OPCML: variants seen among roughly 807,000 people sequenced by gnomAD.
OPCML encodes opioid binding protein/cell adhesion molecule like.
Under a neutral mutation model 37.8 loss-of-function variants are expected in OPCML, and 13 were observed. The ratio of observed to expected loss-of-function variants is 0.34; its 90% confidence interval spans 0.22 to 0.55. The LOEUF (loss-of-function observed/expected upper bound fraction) is 0.55. OPCML is among the 20% of genes least tolerant of loss of function. The probability of loss-of-function intolerance (pLI) is 0.91; values close to 1 mark genes in which losing one functional copy is unlikely to be tolerated. For missense variants in OPCML, 341 were observed against 435.6 expected (o/e 0.78, Z 1.93); for synonymous variants, 176 against 168.8 (o/e 1.04, Z -0.33).
intron 4 of OPCML, among the ~76,000 whole-genome samples, chr11:132,466,767 G>C (rs933940095): frequency 9.9e-5 from 15 of 152,128 alleles, no homozygotes; most frequent in African/African-American, 3.1e-4. Context: ...TTCGGGGCTG[G>C]AGCCTCGGGT....
intron 4 of OPCML, among the ~76,000 whole-genome samples, chr11:132,438,438 G>A (rs946700500): frequency 2.6e-5 from 4 of 152,240 alleles, no homozygotes; most frequent in Admixed American, 6.5e-5. Flanking sequence ...AATCCAATGG[G>A]TTTGGGTCCA....
chr11:132,685,519 A>T (rs1322798096), intron 2 of OPCML, among the ~76,000 whole-genome samples: 1 of 152,210 alleles, frequency 6.6e-6, no homozygotes, highest in Non-Finnish European at 1.5e-5. Context: ...CAAGCTGCAA[A>T]AAACCACAAA....
chr11:132,454,093 C>T (rs59392437), intron 4 of OPCML, among the ~76,000 whole-genome samples: 6,822 of 152,158 alleles, frequency 0.045, 447 homozygotes, highest in African/African-American at 0.15. Context: ...TAGGTTTTTG[C>T]GGGGGAAGGT....
chr11:133,522,872 C>T (rs1388089083), intron 1 of OPCML, among the ~76,000 whole-genome samples: 1 of 152,112 alleles, frequency 6.6e-6, no homozygotes, highest in Non-Finnish European at 1.5e-5. Context: ...TAAATTACTG[C>T]AATTTAAAAA....
intron 5 of OPCML, 64 bp from the exon 6 acceptor site, chr11:132,436,843 T>C: frequency 6.4e-7 from 1 of 1,568,778 alleles, no homozygotes; most frequent in South Asian, 1.2e-5. Flanking sequence ...AGTGATTTCG[T>C]GAAAGAGATG....
intron 1 of OPCML, among the ~76,000 whole-genome samples, chr11:133,324,314 C>A (rs1191804436): frequency 1.3e-5 from 2 of 152,024 alleles, no homozygotes; most frequent in Non-Finnish European, 1.5e-5. Flanking sequence ...TGCTCAAATC[C>A]AAGATGTGAG....
chr11:132,854,287 ATCC>A (rs1233214043), intron 2 of OPCML, among the ~76,000 whole-genome samples: 3 of 152,212 alleles, frequency 2.0e-5, no homozygotes, highest in Non-Finnish European at 4.4e-5. Context: ...GGGGTGCACC[ATCC>A]TCCTGGCATT....
At chr11:132,433,103 C>T (rs776754612) in intron 7 of OPCML, among the ~76,000 whole-genome samples, 2 of 152,016 alleles carry the variant, frequency 1.3e-5, no homozygotes, top group African/African-American at 4.8e-5. Flanking sequence ...TTATAGGGAC[C>T]GTGAATGCTG....
chr11:133,219,042 G>A (rs1199431606), intron 1 of OPCML, among the ~76,000 whole-genome samples: 14 of 152,154 alleles, frequency 9.2e-5, no homozygotes, highest in African/African-American at 2.2e-4. Flanking sequence ...TATATTATGC[G>A]TTTTACTCCA....
At chr11:132,520,782 G>A (rs2096291323) in intron 4 of OPCML, among the ~76,000 whole-genome samples, 1 of 151,908 alleles carries the variant, frequency 6.6e-6, no homozygotes. Context: ...TATCATTGAT[G>A]GGCATTTGGG....
At chr11:132,680,594 G>A (rs921567634) in intron 2 of OPCML, among the ~76,000 whole-genome samples, 1 of 152,186 alleles carries the variant, frequency 6.6e-6, no homozygotes, top group Non-Finnish European at 1.5e-5. Flanking sequence ...GAGCTGGGGC[G>A]GCTGCGGCCA....
intron 2 of OPCML, among the ~76,000 whole-genome samples, chr11:132,724,858 C>G (rs1483908461): frequency 6.6e-6 from 1 of 152,194 alleles, no homozygotes; most frequent in Non-Finnish European, 1.5e-5. Context: ...TCTTAAAGCT[C>G]CAAAATGATC....
At chr11:133,077,766 T>C (rs951337928) in intron 1 of OPCML, among the ~76,000 whole-genome samples, 1 of 152,110 alleles carries the variant, frequency 6.6e-6, no homozygotes, top group African/African-American at 2.4e-5. Context: ...AAGACTCCTA[T>C]TGGAATATAG....
intron 4 of OPCML, among the ~76,000 whole-genome samples, chr11:132,456,168 T>C (rs1046500624): frequency 1.1e-4 from 17 of 152,304 alleles, no homozygotes; most frequent in South Asian, 1.0e-3. Flanking sequence ...AGGAAACCTT[T>C]GGCATTTTAT....
At chr11:132,797,128 C>T (rs1112413) in intron 2 of OPCML, among the ~76,000 whole-genome samples, 132,053 of 152,242 alleles carry the variant, frequency 0.87, 58,182 homozygotes, top group African/African-American at 0.91. Flanking sequence ...TCCAACTTAC[C>T]TTTTTCTTTT....
intron 1 of OPCML, among the ~76,000 whole-genome samples, chr11:133,216,157 G>T (rs1291266805): frequency 1.3e-5 from 2 of 152,162 alleles, no homozygotes; most frequent in Non-Finnish European, 2.9e-5. Context: ...GTATGTGATT[G>T]CCCTGCCTCT....
intron 2 of OPCML, among the ~76,000 whole-genome samples, chr11:132,940,319 C>T (rs76957057): frequency 0.1 from 15,260 of 152,140 alleles, 888 homozygotes; most frequent in South Asian, 0.25. Flanking sequence ...GAAACAGATT[C>T]GAGATAGTTT....
chr11:132,429,535 G>A (rs746528047), intron 7 of OPCML, among the ~76,000 whole-genome samples: 1 of 152,164 alleles, frequency 6.6e-6, no homozygotes, highest in South Asian at 2.1e-4. Context: ...GAAGAGCGAG[G>A]CATGCCCCGA....
intron 1 of OPCML, among the ~76,000 whole-genome samples, chr11:133,436,008 G>C (rs1946225942): frequency 6.6e-6 from 1 of 152,146 alleles, no homozygotes; most frequent in South Asian, 2.1e-4. Context: ...ATACACATGT[G>C]CATTCTCAAA....
Sources: gnomAD v4.1 joint callset for allele counts (sites outside exome capture counted in the v4.1 genomes callset) on GRCh38, gnomAD v4.1.1 for gene constraint, MANE v1.5 for transcripts, NCBI Gene and HGNC (gene_info 2026-07-23, HGNC 2026-07-21) for gene names.